NEK6: variants seen among roughly 807,000 people sequenced by gnomAD.
The protein encoded by NEK6 is serine/threonine-protein kinase Nek6.
NEK6 carries 27 observed loss-of-function variants against 43.5 expected under a neutral mutation model. The observed-to-expected ratio is 0.62, with a 90% confidence interval of 0.46 to 0.86. The LOEUF is 0.86. NEK6 is among the 40% of genes least tolerant of loss of function. The pLI, the probability that NEK6 is intolerant of heterozygous loss-of-function variation, is 0.00. For missense variants in NEK6, 318 were observed against 414.4 expected (o/e 0.77, Z 2.02); for synonymous variants, 167 against 164.1 (o/e 1.02, Z -0.14).
At chr9:124,305,562 A>G (rs977231136) in intron 2 of NEK6, among the ~76,000 whole-genome samples, 1 of 151,738 alleles carries the variant, frequency 6.6e-6, no homozygotes, top group Non-Finnish European at 1.5e-5. Context: ...TCAAAAAAAA[A>G]AAAAAAAGAA....
At chr9:124,304,485 A>G (rs907800259) in intron 2 of NEK6, among the ~76,000 whole-genome samples, 2 of 152,198 alleles carry the variant, frequency 1.3e-5, no homozygotes, top group African/African-American at 4.8e-5. Context: ...AAAATGGGAT[A>G]ATAATGCCGC....
chr9:124,273,179 G>A (rs576740239), intron 1 of NEK6, among the ~76,000 whole-genome samples: 28 of 152,286 alleles, frequency 1.8e-4, no homozygotes, highest in Middle Eastern at 3.4e-3. Context: ...AGGAAGTGGA[G>A]GCTCAGAGAG....
At chr9:124,342,411 C>T (rs1047241950) in intron 8 of NEK6, among the ~76,000 whole-genome samples, 1 of 152,248 alleles carries the variant, frequency 6.6e-6, no homozygotes, top group Non-Finnish European at 1.5e-5. Flanking sequence ...AGGGCCCACC[C>T]ACGGAAGGAT....
In NEK6 at chr9:124,343,643, C is replaced by T. The variant is rs189395125; in HGVS notation, c.717+3978C>T. Among the ~76,000 whole-genome samples, 20 of 152,274 alleles carry T rather than the reference C, an allele frequency of 1.3e-4. No individual in the cohort carries two copies. Among genetic ancestry groups the T allele is most frequent in the African/African-American group, 3.6e-4 (15 of 41,562 alleles). On this transcript the variant is annotated intron_variant, in intron 8 of 9. Transcript: ENST00000320246. This position sits in a 1 kb window ranked among gnomAD's most constrained non-coding sequence, Gnocchi z 5.1. The stretch of plus-strand genomic sequence containing the variant: ...GCCATGTAATTGGAAAGAGGCCTCC[C>T]GCAGTCACGCCCGGAGCCTCCCGCC...
chr9:124,289,518 T>C (rs977675975), intron 1 of NEK6, among the ~76,000 whole-genome samples: 12 of 152,070 alleles, frequency 7.9e-5, no homozygotes, highest in African/African-American at 2.7e-4. Flanking sequence ...TGGCTGTGTG[T>C]TGGGGAGCCC....
intron 5 of NEK6, among the ~76,000 whole-genome samples, chr9:124,322,700 T>G (rs781521401): frequency 1.9e-4 from 29 of 152,218 alleles, no homozygotes; most frequent in Non-Finnish European, 1.9e-4. Context: ...GCAGCCTGCC[T>G]GCTCCCAAGT....
chr9:124,322,074 G>T (rs1834094282), intron 5 of NEK6, among the ~76,000 whole-genome samples: 1 of 152,198 alleles, frequency 6.6e-6, no homozygotes, highest in South Asian at 2.1e-4. Flanking sequence ...GCCCAGAGAG[G>T]TTAAGAGACT....
At chr9:124,329,608 T>C (rs1490927354) in intron 7 of NEK6, among the ~76,000 whole-genome samples, 2 of 152,208 alleles carry the variant, frequency 1.3e-5, no homozygotes, top group African/African-American at 4.8e-5. Context: ...CCGGGCTCTG[T>C]GCCCGGCATC....
At chr9:124,307,903 A>G (rs1393815721) in intron 2 of NEK6, among the ~76,000 whole-genome samples, 1 of 152,342 alleles carries the variant, frequency 6.6e-6, no homozygotes, top group South Asian at 2.1e-4. Flanking sequence ...TCAACAGCCA[A>G]GAACCCCCTG....
At chr9:124,260,864 C>T (rs139047580) in intron 1 of NEK6, among the ~76,000 whole-genome samples, 133 of 152,324 alleles carry the variant, frequency 8.7e-4, no homozygotes, top group African/African-American at 3.1e-3. Context: ...TGTGCTAATA[C>T]GCAGCAGAGC....
intron 1 of NEK6, chr9:124,293,161 G>T: frequency 2.7e-6 from 3 of 1,113,446 alleles, no homozygotes; most frequent in Non-Finnish European, 2.3e-6. Flanking sequence ...TTAAAATGCA[G>T]ACTTTGGAGA....
chr9:124,291,770 G>T (rs552402739), intron 1 of NEK6: 58 of 963,294 alleles, frequency 6.0e-5, no homozygotes, highest in Non-Finnish European at 7.2e-5. Flanking sequence ...TGGTCTAATC[G>T]GGTGGTGCTG....
chr9:124,264,290 G>C (rs1831142544), intron 1 of NEK6, among the ~76,000 whole-genome samples: 1 of 152,198 alleles, frequency 6.6e-6, no homozygotes, highest in African/African-American at 2.4e-5. Flanking sequence ...TGTGTGGTGG[G>C]AGAGGGTGTC....
intron 2 of NEK6, among the ~76,000 whole-genome samples, chr9:124,309,843 G>T (rs532158588): frequency 6.6e-6 from 1 of 152,252 alleles, no homozygotes; most frequent in Admixed American, 6.5e-5. Flanking sequence ...GCGCCAGGTC[G>T]TGTCAGGCAC....
intron 1 of NEK6, among the ~76,000 whole-genome samples, chr9:124,284,795 C>T (rs1012983064): frequency 6.6e-6 from 1 of 152,206 alleles, no homozygotes; most frequent in East Asian, 1.9e-4. Flanking sequence ...CTTAATGACA[C>T]AGGATCTGCC....
chr9:124,342,881 C>T (rs1829718012), intron 8 of NEK6, among the ~76,000 whole-genome samples: 1 of 151,380 alleles, frequency 6.6e-6, no homozygotes, highest in African/African-American at 2.4e-5. Context: ...GAGCTGTGCC[C>T]ACTTCCCTGG....
At chr9:124,287,939 G>A (rs956355174) in intron 1 of NEK6, among the ~76,000 whole-genome samples, 1 of 152,210 alleles carries the variant, frequency 6.6e-6, no homozygotes, top group African/African-American at 2.4e-5. Flanking sequence ...CACCAGCCAC[G>A]GGCCAAGATT....
chr9:124,350,875 C>A lies in NEK6; in HGVS notation c.870C>A (p.Pro290=), dbSNP rs769604189. The A allele has an allele frequency of 1.3e-5, 21 of 1,612,670 alleles. No individual in the cohort carries two copies. In the East Asian group the frequency reaches 4.7e-4, roughly 36 times the overall value. Residue 290 remains proline (P), a synonymous_variant, in exon 10 of 10, where the codon CCC becomes CCA. Coordinates refer to ENST00000320246, the MANE Select transcript of NEK6 (RefSeq NM_014397.6). The stretch of plus-strand genomic sequence containing the variant: ...TCAGCATGTGCATCTGCCCTGACCC[C>A]CACCAGAGACCTGACATCGGATACG... ...ELVSMCICPD[P]HQRPDIGYVH...
intron 7 of NEK6, among the ~76,000 whole-genome samples, chr9:124,332,926 G>A (rs1386410119): frequency 6.6e-6 from 1 of 152,068 alleles, no homozygotes; most frequent in African/African-American, 2.4e-5. Context: ...GGGGGCGGTG[G>A]GAGTCTCAGG....
Sources: gnomAD v4.1 joint callset for allele counts (sites outside exome capture counted in the v4.1 genomes callset) on GRCh38, gnomAD v4.1.1 for gene constraint, Gnocchi (gnomAD v3.1) non-coding constraint, MANE v1.5 for transcripts, NCBI Gene and HGNC (gene_info 2026-07-23, HGNC 2026-07-21) for gene names.